The following EMCN variants were observed in gnomAD, a reference collection of about 807,000 sequenced individuals.
EMCN encodes the protein endomucin.
Under a neutral mutation model 38.4 loss-of-function variants are expected in EMCN, and 37 were observed. The ratio of observed to expected loss-of-function variants is 0.96; its 90% CI spans 0.74 to 1.27. EMCN has a LOEUF of 1.27. Among genes scored for constraint, EMCN ranks in the 50% most tolerant of loss-of-function variants. EMCN has a pLI of 0.00. For synonymous variants in EMCN, 95 were observed against 100.8 expected (o/e 0.94, Z 0.35); for missense variants, 318 against 302.8 (o/e 1.05, Z -0.37).
intron 5 of EMCN, among the ~76,000 whole-genome samples, chr4:100,437,266 T>C (rs898635974): frequency 6.6e-6 from 1 of 152,218 alleles, no homozygotes; most frequent in Non-Finnish European, 1.5e-5. Context: ...GCCCATTTTT[T>C]AATCATGCTA....
intron 5 of EMCN, among the ~76,000 whole-genome samples, chr4:100,424,669 A>G (rs1249155500): frequency 6.6e-6 from 1 of 152,056 alleles, no homozygotes; most frequent in Non-Finnish European, 1.5e-5. Context: ...AACAAAGAAA[A>G]ATGTCAGGCT....
intron 5 of EMCN, among the ~76,000 whole-genome samples, chr4:100,427,094 G>T (rs532738343): frequency 3.9e-5 from 6 of 152,074 alleles, no homozygotes; most frequent in Non-Finnish European, 8.8e-5. Flanking sequence ...TAATTTGATA[G>T]ATTATTCATG....
At chr4:100,485,073 T>A (rs1377529167) in intron 1 of EMCN, among the ~76,000 whole-genome samples, 1 of 152,164 alleles carries the variant, frequency 6.6e-6, no homozygotes, top group Non-Finnish European at 1.5e-5. Flanking sequence ...CAAAAATATA[T>A]AATTACGGTA....
At chr4:100,455,303 A>G (rs1727978842) in intron 4 of EMCN, among the ~76,000 whole-genome samples, 1 of 152,124 alleles carries the variant, frequency 6.6e-6, no homozygotes, top group African/African-American at 2.4e-5. Context: ...TTTAAACAAT[A>G]AATTGTCTTT....
At chr4:100,475,666 T>TCCAA (rs1560631526) in intron 2 of EMCN, among the ~76,000 whole-genome samples, 1 of 11,036 alleles carries the variant, frequency 9.1e-5, no homozygotes, top group Non-Finnish European at 2.3e-4. Flanking sequence ...GTCCTTTTTT[T>TCCAA]TTTTTTTTTT....
chr4:100,434,424 A>T (rs60935948), intron 5 of EMCN, among the ~76,000 whole-genome samples: 4,366 of 148,530 alleles, frequency 0.029, 230 homozygotes, highest in African/African-American at 0.1. Flanking sequence ...GGATGGATTT[A>T]CAGTTGAATT....
intron 1 of EMCN, among the ~76,000 whole-genome samples, chr4:100,506,151 C>T (rs1283038213): frequency 5.3e-5 from 8 of 152,096 alleles, no homozygotes. Flanking sequence ...GAGTGGTAAT[C>T]ACTGCTAAGT....
At chr4:100,490,521 A>G (rs950003753) in intron 1 of EMCN, among the ~76,000 whole-genome samples, 34 of 152,188 alleles carry the variant, frequency 2.2e-4, no homozygotes, top group Non-Finnish European at 4.4e-4. Flanking sequence ...TGTAAGCCCT[A>G]TTCATGGTAA....
At chr4:100,516,448 T>A (rs1444394037) in intron 1 of EMCN, among the ~76,000 whole-genome samples, 1 of 152,040 alleles carries the variant, frequency 6.6e-6, no homozygotes, top group East Asian at 1.9e-4. Flanking sequence ...CACATCTAAT[T>A]GTGAGCAATA....
chr4:100,415,923 G>T lies in EMCN; in HGVS notation c.726C>A (p.Thr242=). 6.3e-7 allele frequency: 1 copy of T among 1,587,050 alleles called. No individual in the cohort carries two copies. Among genetic ancestry groups the T allele is most frequent in the Non-Finnish European group, 8.5e-7 (1 of 1,169,666 alleles). Residue 242 remains threonine, a synonymous_variant, in exon 10 of 12, where the codon ACC becomes ACA. Transcript: ENST00000296420. ...QSDKESVKLL[T]VKTISHESGE... is the part of the protein sequence containing the mutation. Reference sequence around the variant, plus strand: ...CAGACTCATGAGAAATTGTCTTAACGGTAAGAAGCTTCACGCTCTCTTTAT... The same window carrying T: ...CAGACTCATGAGAAATTGTCTTAACTGTAAGAAGCTTCACGCTCTCTTTAT...
At chr4:100,447,094 T>C (rs1727692065) in intron 5 of EMCN, among the ~76,000 whole-genome samples, 2 of 152,190 alleles carry the variant, frequency 1.3e-5, no homozygotes, top group South Asian at 4.1e-4. Flanking sequence ...GGGTGGCAAA[T>C]ACGAGCACTA....
At chr4:100,422,845 A>G (rs1426298928) in intron 7 of EMCN, among the ~76,000 whole-genome samples, 176 bp downstream of exon 7, 2 of 117,414 alleles carry the variant, frequency 1.7e-5, no homozygotes, top group Non-Finnish European at 3.9e-5. Context: ...TTTGTCATTA[A>G]GACTCACTTG....
At position 100,397,677 on chromosome 4, in the gene EMCN, C is replaced by T. The variant is rs2110201128; in HGVS notation, c.*736G>A. ...AACTGATAAATTACTCTCCCCCTAACAGTCTGATATGTGAATCGTATGTCC... is the reference window on the plus strand; with the variant it reads ...AACTGATAAATTACTCTCCCCCTAATAGTCTGATATGTGAATCGTATGTCC... On this transcript the variant is annotated 3_prime_UTR_variant, in exon 12 of 12. Transcript: ENST00000296420. The T allele has an allele frequency of 6.6e-6, 1 of 152,208 alleles. No homozygotes were observed. Among genetic ancestry groups the T allele is most frequent in the East Asian group, 1.9e-4 (1 of 5,174 alleles). The allele number at this position is 152,208 out of a possible 1,614,324, so 9.4% of individuals were successfully genotyped here. A position where few individuals can be genotyped will look rare whatever the true frequency, so the allele number is the denominator to read the frequency against.
rs1440171078 is a variant in EMCN at position 100,395,977 on chromosome 4, A to G, written c.*2436T>C. ...TCTTGCCTTTGATCTAAATACAGGC[A>G]CTTCTTTGTTGCAATGATGTTTGAA... On this transcript the variant is annotated 3_prime_UTR_variant, in exon 12 of 12. Coordinates refer to ENST00000296420, the MANE Select transcript of EMCN (RefSeq NM_016242.4). The G allele has an allele frequency of 1.3e-5, 2 of 152,190 alleles. No homozygotes were observed. Among genetic ancestry groups the G allele is most frequent in the Non-Finnish European group, 2.9e-5 (2 of 68,032 alleles). The allele number at this position is 152,190 out of a possible 1,614,324, so 9.4% of individuals were successfully genotyped here. A position where few individuals can be genotyped will look rare whatever the true frequency, so the allele number is the denominator to read the frequency against.
intron 3 of EMCN, 43 bp from the exon 4 acceptor site, chr4:100,465,582 C>A (rs1352100339): frequency 1.6e-5 from 16 of 1,026,290 alleles, no homozygotes; most frequent in Non-Finnish European, 2.1e-5. Flanking sequence ...AACAAATCAC[C>A]AGATCATCTT....
Position 100,469,650 on chromosome 4 carries a change from C to CAAAGGAAACAAT in EMCN, c.260-4112_260-4111insATTGTTTCCTTT, listed in dbSNP as rs1214850822. On this transcript the variant is annotated intron_variant, in intron 3 of 11. Coordinates refer to ENST00000296420, the MANE Select transcript of EMCN (RefSeq NM_016242.4). Reference sequence around the variant, plus strand: ...TACAGTTTTAATCTTCTGCATATGGCTAGCCAATTATTCCAGCTTCATTTA... The same window carrying CAAAGGAAACAAT: ...TACAGTTTTAATCTTCTGCATATGGCAAAGGAAACAATTAGCCAATTATTCCAGCTTCATTTA... Among the ~76,000 whole-genome samples the CAAAGGAAACAAT allele has an allele frequency of 2.9e-4, 18 of 61,302 alleles. 2 individuals carry two copies. Among genetic ancestry groups the CAAAGGAAACAAT allele is most frequent in the South Asian group, 2.3e-3 (4 of 1,762 alleles). 40.2% of individuals were successfully genotyped at this position (61,302 alleles called of 152,430 possible).
intron 1 of EMCN, chr4:100,483,535 T>A (rs1728867325): frequency 6.6e-6 from 1 of 152,152 alleles, no homozygotes; most frequent in African/African-American, 2.4e-5. Context: ...GCCACATATA[T>A]ACATGTGTAT....
At chr4:100,449,141 G>A (rs1430221872) in intron 4 of EMCN, among the ~76,000 whole-genome samples, 1 of 151,954 alleles carries the variant, frequency 6.6e-6, no homozygotes, top group Non-Finnish European at 1.5e-5. Flanking sequence ...AATGACAGTA[G>A]AAAATAATAA....
At chr4:100,431,829 C>T (rs1727212161) in intron 5 of EMCN, among the ~76,000 whole-genome samples, 1 of 151,976 alleles carries the variant, frequency 6.6e-6, no homozygotes, top group African/African-American at 2.4e-5. Context: ...CTCTCGCTCT[C>T]GCTGTCAATG....
Sources: allele counts gnomAD v4.1 joint callset (sites outside exome capture counted in the v4.1 genomes callset), GRCh38; gene constraint gnomAD v4.1.1; transcripts MANE v1.5; gene names NCBI Gene and HGNC (gene_info 2026-07-23, HGNC 2026-07-21).